PPP4R2: variants seen among roughly 807,000 people sequenced by gnomAD.
PPP4R2 encodes protein phosphatase 4 regulatory subunit 2, also known as serine/threonine-protein phosphatase 4 regulatory subunit 2.
PPP4R2 carries 13 observed loss-of-function variants against 47.2 expected under a neutral mutation model. That is an observed-to-expected ratio of 0.28 (90% CI 0.18 to 0.44). The LOEUF is 0.44. PPP4R2 is among the 20% of genes least tolerant of loss of function. The pLI is 1.00. For missense variants in PPP4R2, 421 were observed against 491.2 expected (o/e 0.86, Z 1.35); for synonymous variants, 151 against 163.3 (o/e 0.92, Z 0.57).
chr3:73,063,158 A>AC, intron 5 of PPP4R2: 1 of 472,308 alleles, frequency 2.1e-6, no homozygotes, highest in Non-Finnish European at 3.9e-6. Context: ...AAGATGAGCA[A>AC]CCCCACATTT....
At chr3:73,010,893 C>T (rs1701710288) in intron 2 of PPP4R2, among the ~76,000 whole-genome samples, 1 of 152,182 alleles carries the variant, frequency 6.6e-6, no homozygotes, top group Non-Finnish European at 1.5e-5. Context: ...TTGTGTCAGA[C>T]ATTATCAAAT....
chr3:73,050,622 T>C (rs899871217), intron 3 of PPP4R2, among the ~76,000 whole-genome samples: 2 of 152,206 alleles, frequency 1.3e-5, no homozygotes, highest in Non-Finnish European at 2.9e-5. Context: ...TCCCCACTGT[T>C]ACAGAAGTAC....
intron 3 of PPP4R2, among the ~76,000 whole-genome samples, chr3:73,048,497 G>A (rs1702536658): frequency 6.6e-6 from 1 of 152,056 alleles, no homozygotes; most frequent in Non-Finnish European, 1.5e-5. Context: ...CTTGTGATCC[G>A]CCCACCTCAG....
At chr3:73,003,692 GT>G (rs968327056) in intron 2 of PPP4R2, among the ~76,000 whole-genome samples, 1 of 125,312 alleles carries the variant, frequency 8.0e-6, no homozygotes, top group African/African-American at 3.1e-5. Flanking sequence ...TATTTCTGGA[GT>G]TTTTTTTTGT....
At chr3:73,041,598 G>A (rs939772374) in intron 2 of PPP4R2, among the ~76,000 whole-genome samples, 7 of 152,090 alleles carry the variant, frequency 4.6e-5, no homozygotes, top group Admixed American at 6.6e-5. Flanking sequence ...TCAGATTCCC[G>A]TTTGATGTTT....
At chr3:73,045,987 G>A (rs1176365639) in intron 2 of PPP4R2, among the ~76,000 whole-genome samples, 1 of 152,090 alleles carries the variant, frequency 6.6e-6, no homozygotes, top group Non-Finnish European at 1.5e-5. Context: ...TTGTTACACA[G>A]AATATGTAAA....
rs757182919 is a variant in PPP4R2, at chr3:73,062,928, A to G, written c.420-745A>G. On this transcript the variant is annotated intron_variant, in intron 5 of 8. Coordinates refer to ENST00000356692, the MANE Select transcript of PPP4R2 (RefSeq NM_174907.4). ...GCCAAGAAAGCACAGATGACAACCT[A>G]TTAATGCTGTGAGAATGTTTCTAGA... 67 of 1,581,222 alleles carry G rather than the reference A, an allele frequency of 4.2e-5. No homozygotes were observed. In the African/African-American group the frequency reaches 5.3e-4, roughly 13 times the overall value.
At chr3:73,030,686 A>AT (rs998379488) in intron 2 of PPP4R2, among the ~76,000 whole-genome samples, 7 of 148,246 alleles carry the variant, frequency 4.7e-5, no homozygotes, top group South Asian at 4.3e-4. Context: ...GAGTGATTAT[A>AT]TTTTTTTTTC....
intron 2 of PPP4R2, among the ~76,000 whole-genome samples, chr3:73,031,219 A>G (rs1575861216): frequency 6.6e-6 from 1 of 152,194 alleles, no homozygotes. Context: ...CCTCTTCTCT[A>G]TACTTTTCTG....
intron 2 of PPP4R2, among the ~76,000 whole-genome samples, chr3:73,034,617 T>C (rs2107283680): frequency 6.6e-6 from 1 of 152,258 alleles, no homozygotes; most frequent in East Asian, 1.9e-4. Context: ...ACTGCAGCCT[T>C]GAACTTCTGG....
intron 2 of PPP4R2, among the ~76,000 whole-genome samples, chr3:73,010,915 A>G (rs1701710756): frequency 2.6e-5 from 4 of 152,204 alleles, no homozygotes; most frequent in Admixed American, 2.0e-4. Context: ...TTTCATATGC[A>G]TAACCTGATT....
At chr3:73,053,489 T>C (rs1702663240) in intron 3 of PPP4R2, among the ~76,000 whole-genome samples, 1 of 152,220 alleles carries the variant, frequency 6.6e-6, no homozygotes, top group African/African-American at 2.4e-5. Context: ...CAGTTCAGAC[T>C]ATAGGAACTC....
intron 5 of PPP4R2, 39 bp downstream of exon 5, chr3:73,061,099 A>T: frequency 1.0e-6 from 1 of 952,692 alleles, no homozygotes; most frequent in African/African-American, 1.7e-5. Context: ...ATTATTTACT[A>T]TATTTAATCA....
At chr3:73,061,717 G>T (rs1702861912) in intron 5 of PPP4R2, 1 of 204,768 alleles carries the variant, frequency 4.9e-6, no homozygotes, top group Admixed American at 5.5e-5. Flanking sequence ...GGTTAATCTG[G>T]CTCTGCTTTC....
intron 3 of PPP4R2, among the ~76,000 whole-genome samples, chr3:73,054,855 C>G (rs1020450684): frequency 1.3e-5 from 2 of 152,036 alleles, no homozygotes; most frequent in Admixed American, 6.6e-5. Flanking sequence ...ATGCTTAAGA[C>G]ATTATTTCTT....
intron 2 of PPP4R2, among the ~76,000 whole-genome samples, chr3:73,022,321 T>A (rs1292409532): frequency 1.4e-5 from 2 of 142,832 alleles, no homozygotes; most frequent in African/African-American, 4.9e-5. Context: ...AGAGAGTAAT[T>A]TTTTTCAGTT....
In PPP4R2 at chr3:72,996,872, C is replaced by T. The variant is rs1701352790; in HGVS notation, c.-166C>T. 2.3e-6 allele frequency: 1 copy of T among 425,912 alleles called. No individual in the cohort carries two copies. Among genetic ancestry groups the T allele is most frequent in the Non-Finnish European group, 4.2e-6 (1 of 240,252 alleles). 26.4% of individuals were successfully genotyped at this position (425,912 alleles called of 1,614,324 possible). ...GGAGGTGCTCGCTCTGTCGGTCTTG[C>T]TCTCTCGCACGCTTCCCCCGGCTCC... On this transcript the variant is annotated 5_prime_UTR_variant, in exon 1 of 9. Coordinates refer to ENST00000356692, the MANE Select transcript of PPP4R2 (RefSeq NM_174907.4).
At chr3:73,056,969 C>G (rs1376726727) in intron 3 of PPP4R2, among the ~76,000 whole-genome samples, 1 of 152,126 alleles carries the variant, frequency 6.6e-6, no homozygotes, top group African/African-American at 2.4e-5. Context: ...AATACCCAAA[C>G]ACTTGTTGAA....
At position 73,066,239 on chromosome 3, in the gene PPP4R2, C is replaced by CATACATATATATATATAT. The variant is rs1553652539; in HGVS notation, c.*520_*521insCATATATATATATATATA. Reference sequence around the variant, plus strand: ...TGGAACTTTAAGTCATATATACATACATATATATATATATATATATATAAT... The same window carrying CATACATATATATATATAT: ...TGGAACTTTAAGTCATATATACATACATACATATATATATATATATATATATATATATATATATATAAT... On this transcript the variant is annotated 3_prime_UTR_variant, in exon 9 of 9. Coordinates refer to ENST00000356692, the MANE Select transcript of PPP4R2 (RefSeq NM_174907.4). 239 of 134,072 alleles carry CATACATATATATATATAT rather than the reference C, an allele frequency of 1.8e-3. No individual in the cohort carries two copies. Among genetic ancestry groups the CATACATATATATATATAT allele is most frequent in the East Asian group, 7.0e-3 (32 of 4,600 alleles). 8.3% of individuals were successfully genotyped at this position (134,072 alleles called of 1,614,324 possible). A position where few individuals can be genotyped will look rare whatever the true frequency, so the allele number is the denominator to read the frequency against.
Sources: gnomAD v4.1 joint callset for allele counts (sites outside exome capture counted in the v4.1 genomes callset) on GRCh38, gnomAD v4.1.1 for gene constraint, MANE v1.5 for transcripts, NCBI Gene and HGNC (gene_info 2026-07-23, HGNC 2026-07-21) for gene names.